HEXA: variants seen among roughly 807,000 people sequenced by gnomAD.
HEXA encodes the protein hexosaminidase subunit alpha.
A neutral mutation model predicts 73.3 loss-of-function variants in HEXA; 54 were observed. That is an observed-to-expected ratio of 0.74 (90% CI 0.59 to 0.92). The LOEUF is 0.92. Ranked by LOEUF, HEXA falls within the 40% of genes least tolerant of loss-of-function variation. The pLI is 0.00. For missense variants in HEXA, 649 were observed against 653.0 expected (o/e 0.99, Z 0.07); for synonymous variants, 230 against 246.9 (o/e 0.93, Z 0.64).
chr15:72,345,156 A>T (rs1409667070), intron 13 of HEXA: 1 of 439,328 alleles, frequency 2.3e-6, no homozygotes, highest in African/African-American at 2.0e-5. Flanking sequence ...GCATATAACC[A>T]ATGTACAACT....
intron 1 of HEXA, chr15:72,370,096 T>A (rs553169064): frequency 7.8e-6 from 1 of 128,130 alleles, no homozygotes; most frequent in African/African-American, 2.9e-5. Context: ...CAGGCAGAGT[T>A]AAAAAAAAAA....
chr15:72,355,927 A>G, intron 2 of HEXA: 1 of 510,452 alleles, frequency 2.0e-6, no homozygotes, highest in South Asian at 1.5e-5. Context: ...GTCAGTTTCC[A>G]CAGCAGAAAG....
chr15:72,358,344 C>G (rs1310546990), intron 1 of HEXA: 1 of 152,196 alleles, frequency 6.6e-6, no homozygotes, highest in Non-Finnish European at 1.5e-5. Context: ...AAGGAGAAAT[C>G]ACAACTAATC....
chr15:72,350,252 C>G (rs2140323884), intron 7 of HEXA: 1 of 473,588 alleles, frequency 2.1e-6, no homozygotes, highest in East Asian at 4.1e-5. Context: ...GATTCCTCAG[C>G]ATCCACTCTA....
chr15:72,359,922 A>G (rs1231530074), intron 1 of HEXA: 2 of 152,096 alleles, frequency 1.3e-5, no homozygotes, highest in African/African-American at 4.8e-5. Flanking sequence ...ACCTCTGGAC[A>G]TGGAATTCTA....
In HEXA at chr15:72,350,574, C is replaced by A. The variant is rs121907959; in HGVS notation, c.749G>T (p.Gly250Val). 2 of 1,614,150 alleles carry A rather than the reference C, an allele frequency of 1.2e-6. No individual in the cohort carries two copies. The highest frequency in any genetic ancestry group is 1.7e-6 in the Non-Finnish European group (2 of 1,180,020). The stretch of plus-strand genomic sequence containing the variant: ...GTCAAACTCTGCAAGCACACGGATA[C>A]CCCGGAGCCGTGCGTATTCAATGAC... ...KEVIEYARLR[G>V]IRVLAEFDTP... Residue 250 changes from glycine to valine, a missense_variant, in exon 7 of 14, where the codon GGT becomes GTT. Gly to Val is a moderately radical substitution (Grantham distance 109). Coordinates refer to ENST00000268097, the MANE Select transcript of HEXA (RefSeq NM_000520.6).
chr15:72,352,900 G>A (rs1421978662), intron 5 of HEXA, among the ~76,000 whole-genome samples, 168 bp downstream of exon 5: 2 of 152,162 alleles, frequency 1.3e-5, no homozygotes, highest in African/African-American at 4.8e-5. Context: ...CTGACTTCAG[G>A]TGATCCGCCC....
In HEXA at chr15:72,341,861, G is replaced by C. The variant is rs960630380; in HGVS notation, c.*2216C>G. The C allele has an allele frequency of 5.9e-5, 9 of 152,166 alleles. No homozygotes were observed. The highest frequency in any genetic ancestry group is 1.3e-4 in the Non-Finnish European group (9 of 68,024). The allele number at this position is 152,166 out of a possible 1,614,324, so 9.4% of individuals were successfully genotyped here. On this transcript the variant is annotated 3_prime_UTR_variant, in exon 14 of 14. Coordinates refer to ENST00000268097, the MANE Select transcript of HEXA (RefSeq NM_000520.6). ...CTTTACCAATGAAAGTCGTGACCAG[G>C]CCACGTTAGTTTAGTGGTAAAAATA...
intron 5 of HEXA, 27 bp downstream of exon 5, chr15:72,353,041 G>T: frequency 7.4e-7 from 1 of 1,346,130 alleles, no homozygotes; most frequent in Non-Finnish European, 1.1e-6. Flanking sequence ...ACTCTTAAGT[G>T]TGAAGAAGGC....
chr15:72,370,699 A>AAAAAAAAAAAG, intron 1 of HEXA: 4 of 395,970 alleles, frequency 1.0e-5, no homozygotes, highest in Non-Finnish European at 1.3e-5. Context: ...CTGTTTCTTA[A>AAAAAAAAAAAG]AAAAAAAAAG....
In HEXA at chr15:72,341,223, T is replaced by C. The variant is rs79281411; in HGVS notation, c.*2854A>G. 4,644 of 152,286 alleles carry C rather than the reference T, an allele frequency of 0.03. 153 individuals are homozygous for C. The highest frequency in any genetic ancestry group is 0.16 in the East Asian group (822 of 5,166). The allele number at this position is 152,286 out of a possible 1,614,324, so 9.4% of individuals were successfully genotyped here. A position where few individuals can be genotyped will look rare whatever the true frequency, so the allele number is the denominator to read the frequency against. On this transcript the variant is annotated 3_prime_UTR_variant, in exon 14 of 14. Transcript: ENST00000268097. ...AGTATCATTTCAGCTTTCCTCACAG[T>C]CTCACTGTCCCAGAAGTCTAGGGGC...
intron 1 of HEXA, among the ~76,000 whole-genome samples, chr15:72,364,223 G>A (rs2088888415): frequency 6.6e-6 from 1 of 151,760 alleles, no homozygotes; most frequent in South Asian, 2.1e-4. Flanking sequence ...TGAGCCAAGC[G>A]ACCACGCCAC....
At chr15:72,358,201 C>T (rs1012840574) in intron 1 of HEXA, 1 of 152,232 alleles carries the variant, frequency 6.6e-6, no homozygotes, top group Non-Finnish European at 1.5e-5. Flanking sequence ...CCCCCACTCC[C>T]AACCCCACAC....
At chr15:72,351,746 T>G (rs1453447867) in intron 5 of HEXA, 2 of 189,322 alleles carry the variant, frequency 1.1e-5, no homozygotes, top group Non-Finnish European at 2.2e-5. Context: ...AGGAACTGGA[T>G]TGGGAACTGT....
rs1217368922 is a variant in HEXA, at chr15:72,344,011, G to A, written c.*66C>T. The A allele has an allele frequency of 7.3e-7, 1 of 1,362,338 alleles. No homozygotes were observed. Among genetic ancestry groups the A allele is most frequent in the Non-Finnish European group, 1.1e-6 (1 of 952,052 alleles). The allele number at this position is 1,362,338 out of a possible 1,614,324, so 84.4% of individuals were successfully genotyped here. Reference sequence around the variant, plus strand: ...GCAAGGGGCTCCGTCCCCTGGCCAGGATGCAGTGGAAGCCTGGCTCCACTA... The same window carrying A: ...GCAAGGGGCTCCGTCCCCTGGCCAGAATGCAGTGGAAGCCTGGCTCCACTA... On this transcript the variant is annotated 3_prime_UTR_variant, in exon 14 of 14. Coordinates refer to ENST00000268097, the MANE Select transcript of HEXA (RefSeq NM_000520.6).
intron 5 of HEXA, among the ~76,000 whole-genome samples, chr15:72,352,761 T>C (rs1477708803): frequency 2.6e-5 from 4 of 152,064 alleles, no homozygotes; most frequent in Non-Finnish European, 5.9e-5. Flanking sequence ...CCTCCTGGGT[T>C]CATGCGATTC....
rs1477452489 is a variant in HEXA, at chr15:72,346,632, T to G, written c.1225A>C (p.Lys409Gln). 5.0e-6 allele frequency: 8 copies of G among 1,614,108 alleles called. No homozygotes were observed. The highest frequency in any genetic ancestry group is 6.8e-6 in the Non-Finnish European group (8 of 1,180,014). The change falls in exon 11 of 14, where the codon AAG (lysine) becomes CAG (glutamine). Residue 409 changes from lysine (K) to glutamine (Q), a missense_variant. Coordinates refer to ENST00000268097, the MANE Select transcript of HEXA (RefSeq NM_000520.6). ...GAGAGAAGGGCCCGGAAGCCGGCCT[T>G]GGTGACCAGTTCCAGCTCCTTCATA... ...NYMKELELVT[K>Q]AGFRALLSAP...
chr15:72,343,675 G>A lies in HEXA; in HGVS notation c.*402C>T. 3.5e-6 allele frequency: 1 copy of A among 282,746 alleles called. No homozygotes were observed. The highest frequency in any genetic ancestry group is 4.5e-5 in the Admixed American group (1 of 22,450). 17.5% of individuals were successfully genotyped at this position (282,746 alleles called of 1,614,324 possible). A position where few individuals can be genotyped will look rare whatever the true frequency, so the allele number is the denominator to read the frequency against. On this transcript the variant is annotated 3_prime_UTR_variant, in exon 14 of 14. Coordinates refer to ENST00000268097, the MANE Select transcript of HEXA (RefSeq NM_000520.6). Reference sequence around the variant, plus strand: ...ATATAATGCAGAAGTGAAGTGAGCAGGCTGAGGATTAGGGCAGGTGTCTGG... The same window carrying A: ...ATATAATGCAGAAGTGAAGTGAGCAAGCTGAGGATTAGGGCAGGTGTCTGG...
intron 7 of HEXA, 180 bp downstream of exon 7, chr15:72,350,338 A>C: frequency 1.4e-6 from 1 of 718,942 alleles, no homozygotes; most frequent in Non-Finnish European, 2.5e-6. Context: ...TAATAGTAAG[A>C]AGCAGCCTCC....
Sources: gnomAD v4.1 joint callset for allele counts (sites outside exome capture counted in the v4.1 genomes callset) on GRCh38, gnomAD v4.1.1 for gene constraint, MANE v1.5 for transcripts, NCBI Gene and HGNC (gene_info 2026-07-23, HGNC 2026-07-21) for gene names.